The following CSMD1 variants were observed in gnomAD, a reference collection of about 807,000 sequenced individuals.
CSMD1 encodes the protein CUB and Sushi multiple domains 1, also known as CUB and sushi domain-containing protein 1.
In CSMD1, 213 loss-of-function variants were observed where a neutral mutation model predicts 417.5. That is an observed-to-expected ratio of 0.51 (90% CI 0.46 to 0.57). The LOEUF (loss-of-function observed/expected upper bound fraction) is 0.57. Among genes scored for constraint, CSMD1 ranks in the 20% least tolerant of loss-of-function variants. The pLI, the probability that CSMD1 is intolerant of heterozygous loss-of-function variation, is 0.00. For synonymous variants in CSMD1, 2,862 were observed against 1,736.8 expected (o/e 1.65, Z -16.11); for missense variants, 6,923 against 4,529.7 (o/e 1.53, Z -15.17).
chr8:4,545,935 C>T (rs1436206059), intron 2 of CSMD1, among the ~76,000 whole-genome samples: 1 of 152,086 alleles, frequency 6.6e-6, no homozygotes, highest in Admixed American at 6.5e-5. Context: ...CTTGCCTATT[C>T]TTTCTCAGAA....
intron 11 of CSMD1, among the ~76,000 whole-genome samples, chr8:3,491,375 A>G: frequency 1.3e-5 from 2 of 152,210 alleles, no homozygotes; most frequent in East Asian, 3.9e-4. Context: ...CCAGGATTAT[A>G]GTAAAGATCA....
chr8:3,946,872 T>A lies in CSMD1; in HGVS notation c.818+51031A>T, dbSNP rs2980780. On this transcript the variant is annotated intron_variant, in intron 5 of 69. Transcript: ENST00000635120. Reference sequence around the variant, plus strand: ...TTTTGTTTTGAAATTGCTCATTGCTTGTATCGATTTATATTGTGATCTCAA... The same window carrying A: ...TTTTGTTTTGAAATTGCTCATTGCTAGTATCGATTTATATTGTGATCTCAA... Among the ~76,000 whole-genome samples, 982 of 152,070 alleles carry A rather than the reference T, an allele frequency of 6.5e-3. 15 individuals are homozygous for A. Among genetic ancestry groups the A allele is most frequent in the African/African-American group, 0.023 (953 of 41,484 alleles).
chr8:3,835,795 A>T (rs1802658884), intron 5 of CSMD1, among the ~76,000 whole-genome samples: 1 of 151,124 alleles, frequency 6.6e-6, no homozygotes, highest in Non-Finnish European at 1.5e-5. Context: ...TGATTGTGTG[A>T]GTTCCTAAGA....
At chr8:4,451,404 A>G (rs562919428) in intron 2 of CSMD1, among the ~76,000 whole-genome samples, 48 of 152,294 alleles carry the variant, frequency 3.2e-4, no homozygotes, top group African/African-American at 1.1e-3. Context: ...AACATGTGCT[A>G]TGATCAGTGT....
chr8:3,447,796 G>C (rs1400026541), intron 12 of CSMD1, among the ~76,000 whole-genome samples: 1 of 152,184 alleles, frequency 6.6e-6, no homozygotes, highest in Non-Finnish European at 1.5e-5. Context: ...GGAGGGTGCA[G>C]AATTGAGCAG....
intron 3 of CSMD1, among the ~76,000 whole-genome samples, chr8:4,196,434 T>C (rs1799344879): frequency 6.6e-6 from 1 of 152,152 alleles, no homozygotes; most frequent in South Asian, 2.1e-4. Flanking sequence ...CTACAGTCCT[T>C]TCTGAAGCCT....
chr8:3,241,499 G>T (rs1484033624), intron 26 of CSMD1, among the ~76,000 whole-genome samples: 1 of 152,196 alleles, frequency 6.6e-6, no homozygotes, highest in Non-Finnish European at 1.5e-5. Flanking sequence ...AAGCCGAGAA[G>T]ATCTGGGAAG....
intron 3 of CSMD1, among the ~76,000 whole-genome samples, chr8:4,396,645 A>G (rs767577571): frequency 6.6e-6 from 1 of 151,894 alleles, no homozygotes; most frequent in Non-Finnish European, 1.5e-5. Context: ...ACACACATAA[A>G]TATCTATATA....
chr8:4,785,211 T>C lies in CSMD1; in HGVS notation c.86-147653A>G, dbSNP rs1244527291. Among the ~76,000 whole-genome samples, 6 of 152,262 alleles carry C rather than the reference T, an allele frequency of 3.9e-5. No homozygotes were observed. The South Asian group carries it at 8.3e-4, about 21-fold the overall frequency. ...GATCTATTCTGCTGCTCCTAGAAGA[T>C]TGTACCAGCTCATGCCTGTTAGTCT... On this transcript the variant is annotated intron_variant, in intron 1 of 69. Coordinates refer to ENST00000635120, the MANE Select transcript of CSMD1 (RefSeq NM_033225.6).
chr8:3,988,323 A>C (rs1814489772), intron 5 of CSMD1, among the ~76,000 whole-genome samples: 1 of 152,256 alleles, frequency 6.6e-6, no homozygotes, highest in African/African-American at 2.4e-5. Context: ...AAGAGCTTGC[A>C]TCAAATTCTG....
At chr8:4,690,403 A>G (rs997437788) in intron 1 of CSMD1, among the ~76,000 whole-genome samples, 1 of 152,214 alleles carries the variant, frequency 6.6e-6, no homozygotes. Context: ...CACATTCAAA[A>G]TTTCAGAATA....
intron 7 of CSMD1, among the ~76,000 whole-genome samples, chr8:3,625,344 G>C (rs1344539007): frequency 1.3e-5 from 2 of 152,146 alleles, no homozygotes; most frequent in African/African-American, 2.4e-5. Flanking sequence ...TGGACGTGAA[G>C]AGCTTCCAAC....
At chr8:3,500,177 G>A (rs1041966452) in intron 10 of CSMD1, among the ~76,000 whole-genome samples, 4 of 152,114 alleles carry the variant, frequency 2.6e-5, no homozygotes, top group African/African-American at 7.2e-5. Context: ...GCCTTAGAGG[G>A]TCTTCTTTAC....
intron 52 of CSMD1, among the ~76,000 whole-genome samples, chr8:3,008,230 C>T (rs1046790152): frequency 6.6e-6 from 1 of 152,158 alleles, no homozygotes; most frequent in Non-Finnish European, 1.5e-5. Context: ...CAAGGTTTCC[C>T]TGCAAACTAC....
At chr8:3,870,509 T>C (rs1805411079) in intron 5 of CSMD1, among the ~76,000 whole-genome samples, 1 of 152,010 alleles carries the variant, frequency 6.6e-6, no homozygotes, top group African/African-American at 2.4e-5. Flanking sequence ...CTAAGAAAAA[T>C]TTACCGTTTG....
chr8:3,565,606 T>G (rs1799672359), intron 10 of CSMD1, among the ~76,000 whole-genome samples: 1 of 152,208 alleles, frequency 6.6e-6, no homozygotes. Flanking sequence ...ATTTGTTAAT[T>G]CAAGTTCTTT....
intron 2 of CSMD1, among the ~76,000 whole-genome samples, chr8:4,441,657 C>T (rs925357953): frequency 1.3e-5 from 2 of 152,126 alleles, no homozygotes; most frequent in East Asian, 3.9e-4. Context: ...AGAAAAGTCA[C>T]ATTTTTTTCT....
intron 11 of CSMD1, among the ~76,000 whole-genome samples, chr8:3,481,349 A>G (rs190458065): frequency 1.3e-5 from 2 of 152,102 alleles, no homozygotes; most frequent in African/African-American, 2.4e-5. Flanking sequence ...AGTTCCATAA[A>G]TCTTACTTAA....
At chr8:4,346,889 G>A (rs1800805782) in intron 3 of CSMD1, among the ~76,000 whole-genome samples, 1 of 149,326 alleles carries the variant, frequency 6.7e-6, no homozygotes, top group African/African-American at 2.6e-5. Flanking sequence ...TGGCTGGATT[G>A]TAAAACCTGG....
Sources: allele counts gnomAD v4.1 joint callset (sites outside exome capture counted in the v4.1 genomes callset), GRCh38; gene constraint gnomAD v4.1.1; transcripts MANE v1.5; gene names NCBI Gene and HGNC (gene_info 2026-07-23, HGNC 2026-07-21).